Variants in RNF32 observed in about 807,000 individuals in gnomAD.
The protein encoded by RNF32 is ring finger protein 32.
Under a neutral mutation model 41.0 loss-of-function variants are expected in RNF32, and 36 were observed. The ratio of observed to expected loss-of-function variants is 0.88; its 90% CI spans 0.67 to 1.16. The LOEUF is 1.16. Among genes scored for constraint, RNF32 ranks in the 50% most tolerant of loss-of-function variants. The pLI is 0.00. For synonymous variants in RNF32, 154 were observed against 160.9 expected (o/e 0.96, Z 0.32); for missense variants, 413 against 436.7 (o/e 0.95, Z 0.48).
intron 7 of RNF32, among the ~76,000 whole-genome samples, chr7:156,671,962 T>C (rs1802651454): frequency 6.6e-6 from 1 of 152,168 alleles, no homozygotes. Flanking sequence ...CAAAAGTACA[T>C]ATCAAAACTT....
At chr7:156,659,315 T>C (rs771795711) in intron 7 of RNF32, 2 of 991,800 alleles carry the variant, frequency 2.0e-6, no homozygotes, top group Non-Finnish European at 2.4e-6. Context: ...TATTAACTCC[T>C]TTCCTAGAAT....
chr7:156,655,717 TC>T (rs1799560693), intron 4 of RNF32, among the ~76,000 whole-genome samples: 1 of 152,242 alleles, frequency 6.6e-6, no homozygotes, highest in Admixed American at 6.5e-5. Flanking sequence ...CAGGACCTAA[TC>T]TTACATATGT....
intron 7 of RNF32, chr7:156,658,972 A>G (rs544841097): frequency 2.0e-6 from 3 of 1,514,016 alleles, no homozygotes; most frequent in South Asian, 2.6e-5. Context: ...CTATAAAAAT[A>G]AAGCCCCCAC....
intron 3 of RNF32, chr7:156,646,304 A>G: frequency 2.9e-6 from 2 of 688,200 alleles, no homozygotes; most frequent in Non-Finnish European, 4.3e-6. Context: ...CGCTGTTGGC[A>G]GGGTTCTACA....
intron 7 of RNF32, among the ~76,000 whole-genome samples, chr7:156,672,341 C>T (rs892675819): frequency 6.6e-6 from 1 of 152,082 alleles, no homozygotes; most frequent in Non-Finnish European, 1.5e-5. Flanking sequence ...CTATTACCAG[C>T]GTTAAGAACA....
At chr7:156,650,594 TTATAAA>T (rs1798587120) in intron 3 of RNF32, among the ~76,000 whole-genome samples, 1 of 152,236 alleles carries the variant, frequency 6.6e-6, no homozygotes, top group Admixed American at 6.5e-5. Context: ...CTTGATTAGT[TTATAAA>T]TATAAGGCCA....
At chr7:156,664,467 AAAAG>A (rs1263778627) in intron 7 of RNF32, among the ~76,000 whole-genome samples, 3 of 152,208 alleles carry the variant, frequency 2.0e-5, no homozygotes, top group Non-Finnish European at 2.9e-5. Flanking sequence ...ATCCAAAAAA[AAAAG>A]AAAGAAAAAG....
intron 3 of RNF32, among the ~76,000 whole-genome samples, chr7:156,649,060 C>T (rs1245600195): frequency 1.3e-5 from 2 of 152,130 alleles, no homozygotes; most frequent in African/African-American, 4.8e-5. Flanking sequence ...TTTGTTCTCT[C>T]CTTCCAAGGC....
Position 156,669,485 on chromosome 7 carries a change from G to A in RNF32, c.685-6211G>A, listed in dbSNP as rs924432802. On this transcript the variant is annotated intron_variant, in intron 7 of 8. Coordinates refer to ENST00000317955, the MANE Select transcript of RNF32 (RefSeq NM_030936.4). This position sits in a 1 kb window ranked among gnomAD's most constrained non-coding sequence, Gnocchi z 4.2. Reference sequence around the variant, plus strand: ...GTTCCCTGGAACCTCTGTCCAGGCAGAGGGCAGCACGGCTTAGCATGTGGG... The same window carrying A: ...GTTCCCTGGAACCTCTGTCCAGGCAAAGGGCAGCACGGCTTAGCATGTGGG... Among the ~76,000 whole-genome samples the A allele has an allele frequency of 6.6e-6, 1 of 152,188 alleles. No homozygotes were observed. Among genetic ancestry groups the A allele is most frequent in the African/African-American group, 2.4e-5 (1 of 41,448 alleles).
chr7:156,659,916 A>G, intron 7 of RNF32: 1 of 985,492 alleles, frequency 1.0e-6, no homozygotes, highest in Non-Finnish European at 1.2e-6. Flanking sequence ...CGGGGCAGGG[A>G]GACCTGATCA....
chr7:156,645,404 T>G (rs1419002465), intron 3 of RNF32, among the ~76,000 whole-genome samples: 1 of 152,208 alleles, frequency 6.6e-6, no homozygotes, highest in African/African-American at 2.4e-5. Context: ...ATATCTGAAT[T>G]TAATCATGAG....
At chr7:156,663,219 AAC>A (rs1179266720) in intron 7 of RNF32, among the ~76,000 whole-genome samples, 3 of 152,174 alleles carry the variant, frequency 2.0e-5, no homozygotes, top group Non-Finnish European at 4.4e-5. Context: ...AAATACTAAA[AAC>A]ACATTGTTTT....
chr7:156,653,767 G>A (rs765405613), intron 3 of RNF32, among the ~76,000 whole-genome samples: 2 of 152,174 alleles, frequency 1.3e-5, no homozygotes, highest in East Asian at 1.9e-4. Flanking sequence ...GGGTACCCAC[G>A]TGTTATTGAA....
intron 7 of RNF32, among the ~76,000 whole-genome samples, chr7:156,666,665 C>T (rs1801379052): frequency 6.6e-6 from 1 of 152,274 alleles, no homozygotes; most frequent in East Asian, 1.9e-4. Context: ...AGTCCTCGAA[C>T]ACTTATTCAT....
intron 7 of RNF32, among the ~76,000 whole-genome samples, chr7:156,668,420 A>C (rs1801703336): frequency 6.6e-6 from 1 of 152,222 alleles, no homozygotes; most frequent in African/African-American, 2.4e-5. Context: ...AGGGTGGCCC[A>C]TGGGGAGTGA....
intron 3 of RNF32, among the ~76,000 whole-genome samples, chr7:156,647,387 C>T (rs891014751): frequency 6.6e-6 from 1 of 152,080 alleles, no homozygotes; most frequent in Non-Finnish European, 1.5e-5. Context: ...TCCATTATAC[C>T]ACTGTGTATG....
At position 156,676,550 on chromosome 7, in the gene RNF32, T is replaced by C. The variant is rs773286485; in HGVS notation, c.984T>C (p.His328=). Residue 328 remains histidine (H), a synonymous_variant, in exon 9 of 9, where the codon CAT becomes CAC. Coordinates refer to ENST00000317955, the MANE Select transcript of RNF32 (RefSeq NM_030936.4). ...ALLSCSHVFH[H]ACLLALEEFS... is the part of the protein sequence containing the mutation. ...TGTCCTGCTCACATGTGTTCCACCATGCGTGTCTGCTGGCACTAGAGGAGT... is the reference window on the plus strand; with the variant it reads ...TGTCCTGCTCACATGTGTTCCACCACGCGTGTCTGCTGGCACTAGAGGAGT... 13 of 1,614,086 alleles carry C rather than the reference T, an allele frequency of 8.1e-6. No individual in the cohort carries two copies. Among genetic ancestry groups the C allele is most frequent in the African/African-American group, 2.7e-5 (2 of 74,940 alleles).
chr7:156,653,780 A>G (rs1413053408), intron 3 of RNF32, among the ~76,000 whole-genome samples: 1 of 152,236 alleles, frequency 6.6e-6, no homozygotes, highest in Admixed American at 6.5e-5. Flanking sequence ...TTATTGAAAT[A>G]AGAACTTTAT....
At chr7:156,646,233 G>T (rs1585004105) in intron 3 of RNF32, among the ~76,000 whole-genome samples, 1 of 152,330 alleles carries the variant, frequency 6.6e-6, no homozygotes, top group African/African-American at 2.4e-5. Flanking sequence ...TACAAACTGG[G>T]TGGGTTAAAA....
Sources: allele counts gnomAD v4.1 joint callset (sites outside exome capture counted in the v4.1 genomes callset), GRCh38; gene constraint gnomAD v4.1.1; non-coding constraint Gnocchi (gnomAD v3.1); transcripts MANE v1.5; gene names NCBI Gene and HGNC (gene_info 2026-07-23, HGNC 2026-07-21).